The following MFAP3L variants were observed in gnomAD, a reference collection of about 807,000 sequenced individuals.
MFAP3L encodes microfibrillar-associated protein 3-like.
In MFAP3L, 5 loss-of-function variants were observed where a neutral mutation model predicts 20.0. That is an observed-to-expected ratio of 0.25 (90% CI 0.13 to 0.53). The LOEUF (loss-of-function observed/expected upper bound fraction) is 0.53, where lower values mean the gene tolerates loss of function less well. Ranked by LOEUF, MFAP3L falls within the 20% of genes least tolerant of loss-of-function variation. MFAP3L has a pLI of 0.96. For missense variants in MFAP3L, 409 were observed against 527.5 expected (o/e 0.78, Z 2.20); for synonymous variants, 219 against 213.0 (o/e 1.03, Z -0.25).
intron 1 of MFAP3L, among the ~76,000 whole-genome samples, chr4:170,018,574 C>T (rs1276393001): frequency 2.6e-5 from 4 of 152,194 alleles, no homozygotes; most frequent in Non-Finnish European, 5.9e-5. Context: ...GTCCACTGCA[C>T]GTCCTGGGTA....
At chr4:170,004,987 C>G (rs1738936417) in intron 2 of MFAP3L, 1 of 152,646 alleles carries the variant, frequency 6.6e-6, no homozygotes, top group African/African-American at 2.4e-5. Context: ...GTGACTCACA[C>G]TTTTTGGTCA....
intron 1 of MFAP3L, among the ~76,000 whole-genome samples, chr4:170,014,548 G>C (rs750050297): frequency 1.3e-5 from 2 of 152,190 alleles, no homozygotes; most frequent in African/African-American, 2.4e-5. Flanking sequence ...GGCTGTGCGC[G>C]CTCTGCCTGG....
At chr4:169,998,942 A>G (rs780311579) in intron 2 of MFAP3L, among the ~76,000 whole-genome samples, 4 of 152,014 alleles carry the variant, frequency 2.6e-5, no homozygotes, top group Non-Finnish European at 5.9e-5. Context: ...CACCCTTTGA[A>G]GAAGCACAAA....
At chr4:170,015,192 T>C (rs1015154078) in intron 1 of MFAP3L, among the ~76,000 whole-genome samples, 4 of 152,012 alleles carry the variant, frequency 2.6e-5, no homozygotes, top group Non-Finnish European at 5.9e-5. Context: ...AAGCTGGGAG[T>C]GAGGATACTT....
In MFAP3L at chr4:170,005,594, T is replaced by C; in HGVS notation, c.284A>G (p.Lys95Arg). ...TTAAAGCCTACCTCCTCCTCTCTCC[T>C]TCTCATCCTCTTCTTCTTTCAGCAG... The part of the protein sequence containing the change: ...GKLLKEEEDE[K>R]ERGGGKWQMH... The change falls in exon 2 of 3, where the codon AAG becomes AGG. Residue 95 changes from lysine to arginine, a missense_variant. By Grantham distance (26) the Lys-to-Arg change is conservative (BLOSUM62 2). This residue lies in a region of MFAP3L where 113 missense variants were observed against 131.1 expected (regional missense o/e 0.86). Coordinates refer to ENST00000361618, the MANE Select transcript of MFAP3L (RefSeq NM_021647.8). The C allele has an allele frequency of 6.2e-7, 1 of 1,614,090 alleles. No individual in the cohort carries two copies. The highest frequency in any genetic ancestry group is 2.2e-5 in the East Asian group (1 of 44,884).
chr4:170,016,088 C>T (rs905026146), intron 1 of MFAP3L, among the ~76,000 whole-genome samples: 2 of 152,186 alleles, frequency 1.3e-5, no homozygotes, highest in Non-Finnish European at 2.9e-5. Flanking sequence ...TTGTGCTTAG[C>T]ACCATGCATT....
chr4:170,007,408 G>A (rs1485628118), intron 1 of MFAP3L, among the ~76,000 whole-genome samples: 1 of 152,208 alleles, frequency 6.6e-6, no homozygotes, highest in Non-Finnish European at 1.5e-5. Flanking sequence ...GCTGTGAAGA[G>A]CATGGCCTCA....
chr4:170,024,355 G>C (rs539065002), intron 1 of MFAP3L, among the ~76,000 whole-genome samples: 1 of 152,258 alleles, frequency 6.6e-6, no homozygotes, highest in East Asian at 1.9e-4. Context: ...TTCACAAAAA[G>C]TAAACTGAGG....
chr4:170,009,382 C>CAAAAAA (rs1443046929), intron 1 of MFAP3L, among the ~76,000 whole-genome samples: 1 of 60,884 alleles, frequency 1.6e-5, no homozygotes, highest in Non-Finnish European at 4.0e-5. Context: ...GACGCTGTCT[C>CAAAAAA]AAAAAAAAAA....
intron 1 of MFAP3L, among the ~76,000 whole-genome samples, chr4:170,010,807 G>GT (rs756987722): frequency 9.5e-6 from 1 of 105,208 alleles, no homozygotes; most frequent in African/African-American, 7.1e-5. Context: ...CCACTGCATT[G>GT]CGGGGGGGTG....
Position 169,988,063 on chromosome 4 carries a change from C to A in MFAP3L, c.*3315G>T, listed in dbSNP as rs1439291348. On this transcript the variant is annotated 3_prime_UTR_variant, in exon 3 of 3. Transcript: ENST00000361618. ...AGACAAATCATTCTGGACATAATGA[C>A]ACAGCACAATAATGCTTGGGATGGA... 6.6e-6 allele frequency: 1 copy of A among 152,128 alleles called. No homozygotes were observed. Among genetic ancestry groups the A allele is most frequent in the Non-Finnish European group, 1.5e-5 (1 of 68,014 alleles). 9.4% of individuals were successfully genotyped at this position (152,128 alleles called of 1,614,324 possible).
intron 1 of MFAP3L, among the ~76,000 whole-genome samples, chr4:170,020,110 TGGTTAA>T (rs1386512371): frequency 6.6e-6 from 1 of 152,174 alleles, no homozygotes; most frequent in Non-Finnish European, 1.5e-5. Context: ...AAGTCCCTTT[TGGTTAA>T]GCACAGGCAG....
intron 2 of MFAP3L, chr4:170,003,525 C>T (rs1738825869): frequency 3.9e-6 from 1 of 257,688 alleles, no homozygotes; most frequent in African/African-American, 2.3e-5. Flanking sequence ...ATCTCAGACG[C>T]AGTAAGATAC....
At chr4:170,024,751 C>T (rs1740245634) in intron 1 of MFAP3L, among the ~76,000 whole-genome samples, 1 of 152,108 alleles carries the variant, frequency 6.6e-6, no homozygotes, top group African/African-American at 2.4e-5. Flanking sequence ...CTCGGTTATG[C>T]AGCATCACAG....
At position 170,010,086 on chromosome 4, in the gene MFAP3L, T is replaced by C. The variant is rs373957854; in HGVS notation, c.-133-4076A>G. ...CACATTCTTCACAGGGTTATACTCA[T>C]GAAGCATGGAGAGGGAAGCCCCATT... On this transcript the variant is annotated intron_variant, in intron 1 of 2. Coordinates refer to ENST00000361618, the MANE Select transcript of MFAP3L (RefSeq NM_021647.8). 5.8e-4 allele frequency among the ~76,000 whole-genome samples: 89 copies of C among 152,162 alleles called. 4 individuals are homozygous for C. The highest frequency in any genetic ancestry group is 1.3e-4 in the Non-Finnish European group (9 of 68,032).
At chr4:169,997,266 G>A (rs1738246888) in intron 2 of MFAP3L, among the ~76,000 whole-genome samples, 1 of 152,118 alleles carries the variant, frequency 6.6e-6, no homozygotes, top group South Asian at 2.1e-4. Context: ...CCTGGAAATA[G>A]GAAGTCCTTT....
chr4:169,987,663 C>A lies in MFAP3L; in HGVS notation c.*3715G>T, dbSNP rs145510551. On this transcript the variant is annotated 3_prime_UTR_variant, in exon 3 of 3. Coordinates refer to ENST00000361618, the MANE Select transcript of MFAP3L (RefSeq NM_021647.8). ...GTCAAGTTAATTTGTGTTGGCTGCACGGGGCTTAGAGCATGCTGTTCCAAA... is the reference window on the plus strand; with the variant it reads ...GTCAAGTTAATTTGTGTTGGCTGCAAGGGGCTTAGAGCATGCTGTTCCAAA... 4.6e-5 allele frequency: 7 copies of A among 152,106 alleles called. No homozygotes were observed. The highest frequency in any genetic ancestry group is 8.8e-5 in the Non-Finnish European group (6 of 68,020). The allele number at this position is 152,106 out of a possible 1,614,324, so 9.4% of individuals were successfully genotyped here.
At chr4:170,000,461 T>C (rs185743974) in intron 2 of MFAP3L, among the ~76,000 whole-genome samples, 1 of 152,268 alleles carries the variant, frequency 6.6e-6, no homozygotes, top group Admixed American at 6.5e-5. Context: ...ATATTAACAA[T>C]AATAATAGCA....
chr4:170,025,276 T>G (rs1424000003), intron 1 of MFAP3L, among the ~76,000 whole-genome samples: 2 of 152,136 alleles, frequency 1.3e-5, no homozygotes, highest in South Asian at 4.1e-4. Context: ...TAGTAGCAAC[T>G]GAAAAAAATG....
Sources: gnomAD v4.1 joint callset for allele counts (sites outside exome capture counted in the v4.1 genomes callset) on GRCh38, gnomAD v4.1.1 for gene constraint, gnomAD v4.1.1 regional missense constraint, MANE v1.5 for transcripts, NCBI Gene and HGNC (gene_info 2026-07-23, HGNC 2026-07-21) for gene names.